The following MRPS9 variants were observed in gnomAD, a reference collection of about 807,000 sequenced individuals.
The protein encoded by MRPS9 is mitochondrial ribosomal protein S9.
Under a neutral mutation model 59.9 loss-of-function variants are expected in MRPS9, and 45 were observed. The observed-to-expected ratio is 0.75, with a 90% CI of 0.59 to 0.96. The LOEUF (loss-of-function observed/expected upper bound fraction) is 0.96. Ranked by LOEUF, MRPS9 falls within the 40% of genes least tolerant of loss-of-function variation. The pLI is 0.00. For synonymous variants in MRPS9, 171 were observed against 166.8 expected (o/e 1.03, Z -0.19); for missense variants, 473 against 481.1 (o/e 0.98, Z 0.16).
intron 2 of MRPS9, among the ~76,000 whole-genome samples, chr2:105,057,070 T>C (rs935996275): frequency 6.6e-6 from 1 of 152,172 alleles, no homozygotes; most frequent in Admixed American, 6.5e-5. Context: ...AAGGAATTAG[T>C]AATTGGCAGG....
chr2:105,041,551 T>C (rs1679503107), intron 1 of MRPS9, among the ~76,000 whole-genome samples: 1 of 151,796 alleles, frequency 6.6e-6, no homozygotes. Context: ...TAATCTCTCA[T>C]GCTTCTGGAG....
intron 4 of MRPS9, among the ~76,000 whole-genome samples, chr2:105,077,955 C>T (rs1680247117): frequency 6.6e-6 from 1 of 151,900 alleles, no homozygotes. Flanking sequence ...CTTGTCAAGT[C>T]TAGTTGTGCA....
rs528383376 is a variant in MRPS9 at position 105,071,547 on chromosome 2, G to T, written c.409+58G>T. Reference sequence around the variant, plus strand: ...TTTCTTTACCGTATTCCGGTGTTAGGTTATGTATCAGCGGTTGCTCACATA... The same window carrying T: ...TTTCTTTACCGTATTCCGGTGTTAGTTTATGTATCAGCGGTTGCTCACATA... On this transcript the variant is annotated intron_variant, in intron 4 of 10. Transcript: ENST00000258455. 81 of 1,527,238 alleles carry T rather than the reference G, an allele frequency of 5.3e-5. No homozygotes were observed. In the African/African-American group the frequency reaches 6.1e-4, roughly 11 times the overall value. The allele number at this position is 1,527,238 out of a possible 1,614,324, so 94.6% of individuals were successfully genotyped here.
intron 4 of MRPS9, among the ~76,000 whole-genome samples, chr2:105,074,596 A>G (rs961670665): frequency 4.6e-5 from 7 of 152,120 alleles, no homozygotes; most frequent in African/African-American, 1.4e-4. Flanking sequence ...AGATACTGTA[A>G]TTTTCCCCAC....
intron 1 of MRPS9, among the ~76,000 whole-genome samples, chr2:105,046,536 G>A (rs552725293): frequency 3.3e-5 from 5 of 151,996 alleles, no homozygotes; most frequent in African/African-American, 1.2e-4. Flanking sequence ...CTGCCTCCTG[G>A]ACATCTGTCT....
intron 4 of MRPS9, among the ~76,000 whole-genome samples, chr2:105,079,289 C>T (rs779028194): frequency 5.4e-4 from 69 of 126,616 alleles, no homozygotes; most frequent in African/African-American, 2.0e-3. Context: ...AGATAGTATG[C>T]GCAAAGGACA....
intron 1 of MRPS9, among the ~76,000 whole-genome samples, chr2:105,048,454 T>C (rs1206454113): frequency 6.6e-6 from 1 of 151,906 alleles, no homozygotes; most frequent in Admixed American, 6.6e-5. Flanking sequence ...TATACATATG[T>C]AACTAACCTG....
chr2:105,088,175 A>T (rs1208529142), intron 5 of MRPS9, among the ~76,000 whole-genome samples: 2 of 151,880 alleles, frequency 1.3e-5, no homozygotes, highest in Non-Finnish European at 2.9e-5. Flanking sequence ...CTATCTGCTC[A>T]TTGGGTATTA....
intron 10 of MRPS9, 34 bp from the exon 11 acceptor site, chr2:105,099,636 A>G: frequency 6.3e-7 from 1 of 1,598,398 alleles, no homozygotes; most frequent in Non-Finnish European, 8.6e-7. Flanking sequence ...ATGCATATTA[A>G]TGGTTCCTAA....
chr2:105,097,284 C>T lies in MRPS9; in HGVS notation c.1059C>T (p.Cys353=). The change falls in exon 10 of 11, where the codon TGC becomes TGT. Residue 353 remains cysteine, a synonymous_variant. Transcript: ENST00000258455. ...GACTGGCAATGGCAAAAGCCTTGTG[C>T]AGCTTTGTCACCGAGGACGAGGTCG... ...AIRLAMAKAL[C]SFVTEDEVEW... is the part of the protein sequence containing the mutation. 1 of 1,611,610 alleles carries T rather than the reference C, an allele frequency of 6.2e-7. No homozygotes were observed. The highest frequency in any genetic ancestry group is 8.5e-7 in the Non-Finnish European group (1 of 1,178,962).
intron 2 of MRPS9, among the ~76,000 whole-genome samples, chr2:105,065,179 C>T (rs949317670): frequency 1.3e-5 from 2 of 152,200 alleles, no homozygotes; most frequent in Non-Finnish European, 2.9e-5. Context: ...ATTTCTTTCT[C>T]TTTAAGCACA....
intron 7 of MRPS9, chr2:105,091,975 A>C (rs1680567102): frequency 1.3e-5 from 2 of 155,852 alleles, no homozygotes; most frequent in Non-Finnish European, 1.4e-5. Flanking sequence ...AATATAATTT[A>C]AGAGGTACAT....
rs557083406 is a variant in MRPS9, at chr2:105,068,365, A to C, written c.316-2948A>C. 5.3e-5 allele frequency among the ~76,000 whole-genome samples: 8 copies of C among 152,294 alleles called. No individual in the cohort carries two copies. The East Asian group carries it at 1.5e-3, about 29-fold the overall frequency. On this transcript the variant is annotated intron_variant, in intron 2 of 10. Transcript: ENST00000258455. ...TATTTACTTATTTGCTTTATGCTGC[A>C]GTGTACATAAAATATTTCAGAATTA...
At chr2:105,071,185 C>A in intron 2 of MRPS9, 128 bp from the exon 3 acceptor site, 1 of 683,412 alleles carries the variant, frequency 1.5e-6, no homozygotes, top group Non-Finnish European at 2.4e-6. Context: ...CCCATTGAAA[C>A]ATTTATGAAG....
chr2:105,038,397 T>G (rs1343790661), intron 1 of MRPS9, 170 bp downstream of exon 1: 2 of 775,854 alleles, frequency 2.6e-6, no homozygotes, highest in African/African-American at 3.5e-5. Flanking sequence ...TGGCGTGCAG[T>G]AGCCGCTCTA....
intron 1 of MRPS9, among the ~76,000 whole-genome samples, chr2:105,048,301 A>G (rs968726273): frequency 1.3e-5 from 2 of 151,878 alleles, no homozygotes; most frequent in African/African-American, 4.8e-5. Context: ...GAATTGAACA[A>G]TGAGAACACA....
At chr2:105,087,683 T>A (rs371358843) in intron 5 of MRPS9, among the ~76,000 whole-genome samples, 8 of 152,198 alleles carry the variant, frequency 5.3e-5, no homozygotes, top group African/African-American at 1.9e-4. Flanking sequence ...AACTTTTACA[T>A]CCTTATTCAC....
chr2:105,079,593 C>T (rs1225671902), intron 4 of MRPS9, among the ~76,000 whole-genome samples: 6 of 152,088 alleles, frequency 3.9e-5, no homozygotes, highest in African/African-American at 1.4e-4. Flanking sequence ...GAATGCACTG[C>T]ATTTTTTTAC....
intron 4 of MRPS9, 95 bp downstream of exon 4, chr2:105,071,584 C>T: frequency 8.3e-7 from 1 of 1,208,512 alleles, no homozygotes; most frequent in Non-Finnish European, 1.2e-6. Context: ...CGTAGGGTGG[C>T]CTTCCTGTGT....
Sources: gnomAD v4.1 joint callset for allele counts (sites outside exome capture counted in the v4.1 genomes callset) on GRCh38, gnomAD v4.1.1 for gene constraint, MANE v1.5 for transcripts, NCBI Gene and HGNC (gene_info 2026-07-23, HGNC 2026-07-21) for gene names.